The following ZNF804A variants were observed in gnomAD, a reference collection of about 807,000 sequenced individuals.
ZNF804A encodes zinc finger protein 804A.
ZNF804A carries 2 observed loss-of-function variants against 16.5 expected under a neutral mutation model. The observed-to-expected ratio is 0.12, with a 90% CI of 0.05 to 0.38. ZNF804A has a LOEUF of 0.38. Among genes scored for constraint, ZNF804A ranks in the 10% least tolerant of loss-of-function variants. The pLI, the probability that ZNF804A is intolerant of heterozygous loss-of-function variation, is 0.99. For synonymous variants in ZNF804A, 534 were observed against 489.6 expected (o/e 1.09, Z -1.20); for missense variants, 1,473 against 1,390.7 (o/e 1.06, Z -0.94).
chr2:184,785,152 C>G (rs1011703568), intron 1 of ZNF804A, among the ~76,000 whole-genome samples: 3 of 151,954 alleles, frequency 2.0e-5, no homozygotes, highest in African/African-American at 7.2e-5. Flanking sequence ...GAAAAACTCC[C>G]AGGTATCTAC....
intron 1 of ZNF804A, among the ~76,000 whole-genome samples, chr2:184,693,648 T>A (rs1006799735): frequency 6.6e-6 from 1 of 152,220 alleles, no homozygotes; most frequent in Admixed American, 6.5e-5. Flanking sequence ...ATATTTAAAT[T>A]TAAATCCACT....
intron 1 of ZNF804A, among the ~76,000 whole-genome samples, chr2:184,848,008 T>A (rs981016126): frequency 2.0e-5 from 3 of 152,016 alleles, no homozygotes; most frequent in African/African-American, 7.2e-5. Flanking sequence ...AGTTTAGGGA[T>A]TTTTTAATGG....
intron 1 of ZNF804A, among the ~76,000 whole-genome samples, chr2:184,729,400 A>G (rs1693475119): frequency 6.6e-6 from 1 of 151,968 alleles, no homozygotes; most frequent in Non-Finnish European, 1.5e-5. Flanking sequence ...CTCCCATAAA[A>G]ACATGAGTAT....
At chr2:184,869,510 ACTGT>A (rs1358131438) in intron 2 of ZNF804A, among the ~76,000 whole-genome samples, 20 of 152,036 alleles carry the variant, frequency 1.3e-4, no homozygotes, top group African/African-American at 4.6e-4. Context: ...AATGAGCTCA[ACTGT>A]CTATTATTAG....
At chr2:184,638,597 T>C (rs1444603106) in intron 1 of ZNF804A, among the ~76,000 whole-genome samples, 1 of 152,250 alleles carries the variant, frequency 6.6e-6, no homozygotes, top group Admixed American at 6.5e-5. Context: ...TTAGTGAGTA[T>C]ATACATTTGG....
At chr2:184,716,396 A>G (rs1324813277) in intron 1 of ZNF804A, among the ~76,000 whole-genome samples, 4 of 152,070 alleles carry the variant, frequency 2.6e-5, no homozygotes, top group Non-Finnish European at 5.9e-5. Context: ...TGAATAATCA[A>G]TGCAATATTT....
Position 184,813,993 on chromosome 2 carries a change from C to CTTTTTTTT in ZNF804A, c.112-52355_112-52348dup, listed in dbSNP as rs1163432699. Among the ~76,000 whole-genome samples, 9 of 49,196 alleles carry CTTTTTTTT rather than the reference C, an allele frequency of 1.8e-4. 1 individual carries two copies. The highest frequency in any genetic ancestry group is 7.3e-4 in the East Asian group (1 of 1,370). The allele number at this position is 49,196 out of a possible 152,430, so 32.3% of individuals were successfully genotyped here. On this transcript the variant is annotated intron_variant, in intron 1 of 3. Coordinates refer to ENST00000302277, the MANE Select transcript of ZNF804A (RefSeq NM_194250.2). ...TTTAGGGCATGTTTGAGAAAGGCAG[C>CTTTTTTTT]TTTTTTTTTTTTTTTTTTTTTTTTT...
chr2:184,810,626 G>A (rs555883961), intron 1 of ZNF804A, among the ~76,000 whole-genome samples: 44 of 151,806 alleles, frequency 2.9e-4, no homozygotes, highest in Non-Finnish European at 6.0e-4. Context: ...GAGTAGCTGG[G>A]ACTACCGGCG....
intron 1 of ZNF804A, among the ~76,000 whole-genome samples, chr2:184,811,265 G>A (rs891421282): frequency 2.8e-4 from 43 of 152,210 alleles, no homozygotes; most frequent in African/African-American, 1.0e-3. Context: ...AGTGCATACC[G>A]ATGGCATGCT....
intron 1 of ZNF804A, among the ~76,000 whole-genome samples, chr2:184,697,622 A>G (rs1387683929): frequency 7.2e-5 from 11 of 152,116 alleles, no homozygotes. Flanking sequence ...ATTTATCAAG[A>G]TATGATAATT....
intron 1 of ZNF804A, among the ~76,000 whole-genome samples, chr2:184,741,972 A>C (rs1693715003): frequency 6.6e-6 from 1 of 152,082 alleles, no homozygotes; most frequent in African/African-American, 2.4e-5. Flanking sequence ...ACTTGTTTAT[A>C]ATAAATATTT....
At chr2:184,692,212 A>G (rs1473401177) in intron 1 of ZNF804A, among the ~76,000 whole-genome samples, 4 of 152,314 alleles carry the variant, frequency 2.6e-5, no homozygotes, top group Non-Finnish European at 5.9e-5. Context: ...AATGCAGGGC[A>G]GAGCAGTTAA....
chr2:184,771,623 T>C (rs1238880709), intron 1 of ZNF804A, among the ~76,000 whole-genome samples: 1 of 151,878 alleles, frequency 6.6e-6, no homozygotes, highest in Non-Finnish European at 1.5e-5. Context: ...AGATGTCTAC[T>C]GGCCTTTCTC....
intron 2 of ZNF804A, among the ~76,000 whole-genome samples, chr2:184,867,412 T>C (rs981666713): frequency 2.0e-5 from 3 of 152,118 alleles, no homozygotes; most frequent in African/African-American, 7.2e-5. Context: ...GAGTTATTTA[T>C]TGTAAGAAAG....
intron 2 of ZNF804A, among the ~76,000 whole-genome samples, chr2:184,924,275 G>C (rs1287092616): frequency 1.8e-4 from 27 of 151,708 alleles, no homozygotes; most frequent in Admixed American, 1.6e-3. Context: ...TTGAGTTTTG[G>C]AGTTCTTCAT....
At chr2:184,908,806 G>A (rs1345373273) in intron 2 of ZNF804A, among the ~76,000 whole-genome samples, 1 of 152,000 alleles carries the variant, frequency 6.6e-6, no homozygotes, top group African/African-American at 2.4e-5. Flanking sequence ...ACTGAGTTAC[G>A]CTCAGAATGC....
At chr2:184,896,662 G>T (rs1195072194) in intron 2 of ZNF804A, among the ~76,000 whole-genome samples, 2 of 151,888 alleles carry the variant, frequency 1.3e-5, no homozygotes, top group African/African-American at 4.8e-5. Context: ...AAACACCATT[G>T]GTCAATATGG....
At chr2:184,882,058 C>G (rs541593098) in intron 2 of ZNF804A, among the ~76,000 whole-genome samples, 9 of 151,872 alleles carry the variant, frequency 5.9e-5, no homozygotes, top group Non-Finnish European at 1.3e-4. Flanking sequence ...CTCACGTGCA[C>G]TGACACACAT....
chr2:184,789,610 A>G (rs959524158), intron 1 of ZNF804A, among the ~76,000 whole-genome samples: 3 of 151,514 alleles, frequency 2.0e-5, no homozygotes, highest in East Asian at 1.9e-4. Context: ...TATGTTTTCT[A>G]TTTTGTGTGC....
Sources: gnomAD v4.1 joint callset for allele counts (sites outside exome capture counted in the v4.1 genomes callset) on GRCh38, gnomAD v4.1.1 for gene constraint, MANE v1.5 for transcripts, NCBI Gene and HGNC (gene_info 2026-07-23, HGNC 2026-07-21) for gene names.